NFIL3: variants seen among roughly 807,000 people sequenced by gnomAD.
NFIL3 encodes nuclear factor, interleukin 3 regulated.
NFIL3 carries 5 observed loss-of-function variants against 10.0 expected under a neutral mutation model. That is an observed-to-expected ratio of 0.50 (90% CI 0.26 to 1.06). The LOEUF is 1.06. NFIL3 is among the 50% of genes least tolerant of loss of function. The pLI, the probability that NFIL3 is intolerant of heterozygous loss-of-function variation, is 0.13. For synonymous variants in NFIL3, 202 were observed against 206.5 expected (o/e 0.98, Z 0.19); for missense variants, 436 against 547.6 (o/e 0.80, Z 2.03).
chr9:91,444,752 G>A, the NFIL3 span, among the ~76,000 whole-genome samples: 1 of 152,072 alleles, frequency 6.6e-6, no homozygotes, highest in East Asian at 1.9e-4. Context: ...GCAAGATTTT[G>A]TGGCAACAGT....
chr9:91,446,159 A>G, the NFIL3 span, among the ~76,000 whole-genome samples: 1 of 152,202 alleles, frequency 6.6e-6, no homozygotes, highest in South Asian at 2.1e-4. Context: ...TGAAGAATGC[A>G]GATGTCCACA....
the NFIL3 span, among the ~76,000 whole-genome samples, chr9:91,440,794 C>G: frequency 2.6e-5 from 4 of 152,012 alleles, no homozygotes; most frequent in African/African-American, 9.7e-5. Flanking sequence ...GTTTAATTTC[C>G]ACATATGTGT....
At chr9:91,447,173 A>G in the NFIL3 span, among the ~76,000 whole-genome samples, 15,628 of 152,244 alleles carry the variant, frequency 0.1, 890 homozygotes, top group East Asian at 0.23. Flanking sequence ...TTCATTTTAA[A>G]GCTGAATAGT....
chr9:91,448,598 G>C, the NFIL3 span, among the ~76,000 whole-genome samples: 1 of 152,150 alleles, frequency 6.6e-6, no homozygotes, highest in South Asian at 2.1e-4. Flanking sequence ...ATTTCAACAT[G>C]AGTTTTGGTG....
In NFIL3 at chr9:91,409,291, C is replaced by A; in HGVS notation, c.*55G>T. The A allele has an allele frequency of 6.8e-7, 1 of 1,479,884 alleles. No individual in the cohort carries two copies. The highest frequency in any genetic ancestry group is 1.4e-5 in the South Asian group (1 of 73,320). 91.7% of individuals were successfully genotyped at this position (1,479,884 alleles called of 1,614,324 possible). A position where few individuals can be genotyped will look rare whatever the true frequency, so the allele number is the denominator to read the frequency against. On this transcript the variant is annotated 3_prime_UTR_variant, in exon 2 of 2. Coordinates refer to ENST00000297689, the MANE Select transcript of NFIL3 (RefSeq NM_005384.3). ...AAAATTCAGCATAATACAAAATGGA[C>A]TGCTCTATTGCAAATGACATCTTTC...
At chr9:91,430,943 G>A in the NFIL3 span, among the ~76,000 whole-genome samples, 22 of 152,304 alleles carry the variant, frequency 1.4e-4, no homozygotes, top group Admixed American at 1.2e-3. Flanking sequence ...AAAGATGTAT[G>A]GGTATTCTAC....
At chr9:91,465,600 G>A in the NFIL3 span, among the ~76,000 whole-genome samples, 1 of 151,982 alleles carries the variant, frequency 6.6e-6, no homozygotes, top group Non-Finnish European at 1.5e-5. Flanking sequence ...TGTCATAGCT[G>A]AGTCAGATTC....
At chr9:91,421,556 G>A (rs1395100462) in intron 1 of NFIL3, among the ~76,000 whole-genome samples, 1 of 148,956 alleles carries the variant, frequency 6.7e-6, no homozygotes, top group Non-Finnish European at 1.5e-5. Context: ...TACCAGACCC[G>A]CCCCCAGCCC....
At chr9:91,416,469 T>A (rs1833659222) in intron 1 of NFIL3, among the ~76,000 whole-genome samples, 1 of 152,254 alleles carries the variant, frequency 6.6e-6, no homozygotes. Context: ...ACTTCATCTA[T>A]GCATCATCTT....
upstream of NFIL3, among the ~76,000 whole-genome samples, chr9:91,424,201 T>C (rs1231106359): frequency 6.6e-6 from 1 of 151,612 alleles, no homozygotes. Context: ...CCCCGTCCGC[T>C]CTTGGCTCCC....
chr9:91,409,843 G>A lies in NFIL3; in HGVS notation c.892C>T (p.Pro298Ser). The A allele has an allele frequency of 1.2e-6, 2 of 1,613,938 alleles. No homozygotes were observed. Among genetic ancestry groups the A allele is most frequent in the Non-Finnish European group, 1.7e-6 (2 of 1,180,016 alleles). The part of the protein sequence containing the change: ...GEDEQQVPKG[P>S]IHSPVELKHV... ...TTGAGTTCAACTGGAGAATGGATGG[G>A]GCCCTTGGGGACCTGTTGCTCGTCT... Residue 298 changes from proline to serine, a missense_variant, in exon 2 of 2, where the codon CCC becomes TCC. Physicochemically the swap from Pro to Ser is moderately conservative, Grantham distance 74 (BLOSUM62 -1). This residue lies in a region of NFIL3 where 338 missense variants were observed against 399.9 expected (regional missense o/e 0.85). Transcript: ENST00000297689.
the NFIL3 span, among the ~76,000 whole-genome samples, chr9:91,479,399 G>A: frequency 2.6e-5 from 4 of 152,222 alleles, no homozygotes; most frequent in African/African-American, 9.7e-5. Flanking sequence ...CCGAGCTGCG[G>A]TGGGCTCCAA....
the NFIL3 span, among the ~76,000 whole-genome samples, chr9:91,438,687 A>G: frequency 6.6e-6 from 1 of 152,150 alleles, no homozygotes; most frequent in Non-Finnish European, 1.5e-5. Flanking sequence ...CTTTTTGTGC[A>G]TGATGTAAGA....
chr9:91,428,550 T>A (rs553992962), upstream of NFIL3, among the ~76,000 whole-genome samples: 1 of 152,362 alleles, frequency 6.6e-6, no homozygotes, highest in South Asian at 2.1e-4. Context: ...TCACATAACA[T>A]TCCCTGTAGA....
At chr9:91,459,913 A>G in the NFIL3 span, among the ~76,000 whole-genome samples, 12 of 152,324 alleles carry the variant, frequency 7.9e-5, no homozygotes, top group East Asian at 2.3e-3. Flanking sequence ...TTCCTTAGGC[A>G]AAGGCACACT....
chr9:91,460,828 C>A, the NFIL3 span, among the ~76,000 whole-genome samples: 2 of 152,148 alleles, frequency 1.3e-5, no homozygotes, highest in Non-Finnish European at 2.9e-5. Flanking sequence ...GTGCATTGGG[C>A]ACCCTCTGAA....
chr9:91,421,453 G>C (rs1395954582), intron 1 of NFIL3, among the ~76,000 whole-genome samples: 1 of 152,124 alleles, frequency 6.6e-6, no homozygotes, highest in Non-Finnish European at 1.5e-5. Context: ...ATGTGGGGAG[G>C]GGGCAGGGAG....
At chr9:91,416,229 C>T (rs1200537435) in intron 1 of NFIL3, among the ~76,000 whole-genome samples, 1 of 150,182 alleles carries the variant, frequency 6.7e-6, no homozygotes, top group African/African-American at 2.5e-5. Flanking sequence ...CAGTGTCTCT[C>T]TGACCCTCTC....
rs1363873149 is a variant in NFIL3 at position 91,409,312 on chromosome 9, C to A, written c.*34G>T. ...TGGACTGCTCTATTGCAAATGACAT[C>A]TTTCTAAATGCCCAGCTCTTACTCA... On this transcript the variant is annotated 3_prime_UTR_variant, in exon 2 of 2. Coordinates refer to ENST00000297689, the MANE Select transcript of NFIL3 (RefSeq NM_005384.3). The A allele has an allele frequency of 2.0e-6, 3 of 1,521,680 alleles. No individual in the cohort carries two copies. The highest frequency in any genetic ancestry group is 1.3e-5 in the South Asian group (1 of 75,418). The allele number at this position is 1,521,680 out of a possible 1,614,324, so 94.3% of individuals were successfully genotyped here.
Sources: allele counts gnomAD v4.1 joint callset (sites outside exome capture counted in the v4.1 genomes callset), GRCh38; gene constraint gnomAD v4.1.1; regional missense constraint gnomAD v4.1.1; transcripts MANE v1.5; gene names NCBI Gene and HGNC (gene_info 2026-07-23, HGNC 2026-07-21).